Variants in RIMS2 observed in about 807,000 individuals in gnomAD.
RIMS2 encodes regulating synaptic membrane exocytosis protein 2.
In RIMS2, 59 loss-of-function variants were observed where a neutral mutation model predicts 174.4. The ratio of observed to expected loss-of-function variants is 0.34; its 90% CI spans 0.27 to 0.42. The LOEUF is 0.42. RIMS2 is among the 10% of genes least tolerant of loss of function. The pLI is 1.00. For synonymous variants in RIMS2, 606 were observed against 572.5 expected, an observed-to-expected ratio of 1.06 and a Z score of -0.84; for missense variants, 1,620 against 1,666.3, an observed-to-expected ratio of 0.97 and a Z score of 0.48.
intron 1 of RIMS2, among the ~76,000 whole-genome samples, chr8:103,557,321 C>G (rs989204569): frequency 5.3e-5 from 8 of 152,160 alleles, no homozygotes; most frequent in African/African-American, 1.9e-4. Flanking sequence ...AAAGCCCTTT[C>G]AAGGCTCTTC....
chr8:104,022,413 C>T (rs528039821), intron 19 of RIMS2, among the ~76,000 whole-genome samples: 52 of 152,070 alleles, frequency 3.4e-4, no homozygotes, highest in Non-Finnish European at 4.9e-4. Context: ...CAGGGTCTTG[C>T]TCTCTCGCCC....
At chr8:104,086,109 A>G (rs1232622336) in intron 19 of RIMS2, among the ~76,000 whole-genome samples, 4 of 152,072 alleles carry the variant, frequency 2.6e-5, no homozygotes, top group Non-Finnish European at 5.9e-5. Flanking sequence ...AAAGGAGATT[A>G]AAAAGTAACA....
rs144372692 is a variant in RIMS2, at chr8:103,672,372, C to T, written c.177-24714C>T. On this transcript the variant is annotated intron_variant, in intron 1 of 23. Transcript: ENST00000504942. ...ATTCTTGCATTGCTATAAATAAATG[C>T]CATTGATTAGGTAATTTATAAACAA... Among the ~76,000 whole-genome samples the T allele has an allele frequency of 2.0e-5, 3 of 151,924 alleles. No individual in the cohort carries two copies. The East Asian group carries it at 5.8e-4, about 29-fold the overall frequency.
intron 1 of RIMS2, among the ~76,000 whole-genome samples, chr8:103,670,232 G>T (rs2096728148): frequency 6.6e-6 from 1 of 152,214 alleles, no homozygotes; most frequent in South Asian, 2.1e-4. Flanking sequence ...GGGATGCAGG[G>T]CACGAAGACC....
chr8:103,728,748 C>CTTTTTTTTTTTTTTTTTTTTTTTTTTT (rs71575982), intron 2 of RIMS2, among the ~76,000 whole-genome samples: 3 of 92,680 alleles, frequency 3.2e-5, no homozygotes, highest in African/African-American at 9.5e-5. Context: ...TATGCTCCTT[C>CTTTTTTTTTTTTTTTTTTTTTTTTTTT]TTTTTTTTTT....
chr8:103,787,586 G>A (rs2098455784), intron 3 of RIMS2, among the ~76,000 whole-genome samples: 1 of 152,172 alleles, frequency 6.6e-6, no homozygotes, highest in Non-Finnish European at 1.5e-5. Context: ...CTTTAAGAAT[G>A]TTGAATATTG....
chr8:103,964,205 A>T (rs542050030), intron 15 of RIMS2, among the ~76,000 whole-genome samples: 1 of 152,328 alleles, frequency 6.6e-6, no homozygotes, highest in African/African-American at 2.4e-5. Flanking sequence ...CAATTGCTGG[A>T]TCGTATGCTA....
At chr8:103,927,545 A>G (rs2079009784) in intron 10 of RIMS2, among the ~76,000 whole-genome samples, 1 of 151,678 alleles carries the variant, frequency 6.6e-6, no homozygotes, top group East Asian at 1.9e-4. Flanking sequence ...CTTTCAAAGT[A>G]CATGAGCCCA....
chr8:103,834,213 C>T (rs2098843504), intron 3 of RIMS2, among the ~76,000 whole-genome samples: 1 of 151,544 alleles, frequency 6.6e-6, no homozygotes, highest in Non-Finnish European at 1.5e-5. Context: ...TTTATTTGAG[C>T]TTTAGCTATT....
chr8:103,871,962 C>T (rs1266689966), intron 3 of RIMS2, among the ~76,000 whole-genome samples: 6 of 152,152 alleles, frequency 3.9e-5, no homozygotes, highest in Non-Finnish European at 4.4e-5. Context: ...TCTGGATGAA[C>T]AGCATTAGCA....
intron 2 of RIMS2, among the ~76,000 whole-genome samples, chr8:103,754,726 GT>G: frequency 6.6e-6 from 1 of 152,172 alleles, no homozygotes; most frequent in Non-Finnish European, 1.5e-5. Flanking sequence ...TTTAAAGTCT[GT>G]TTTATCAGAG....
chr8:103,883,406 A>G (rs959783306), intron 3 of RIMS2, among the ~76,000 whole-genome samples: 1 of 151,792 alleles, frequency 6.6e-6, no homozygotes, highest in Non-Finnish European at 1.5e-5. Flanking sequence ...ACAAAAGTGA[A>G]ATGAATGATG....
At chr8:103,674,818 T>C (rs988580161) in intron 1 of RIMS2, among the ~76,000 whole-genome samples, 14 of 152,116 alleles carry the variant, frequency 9.2e-5, no homozygotes, top group African/African-American at 3.4e-4. Context: ...TTTCTCAAAT[T>C]TTTGTTTAAT....
At chr8:103,941,977 C>G (rs1353223489) in intron 13 of RIMS2, among the ~76,000 whole-genome samples, 1 of 152,096 alleles carries the variant, frequency 6.6e-6, no homozygotes, top group African/African-American at 2.4e-5. Flanking sequence ...ACAGTAGGCA[C>G]TTCAATTGTA....
intron 1 of RIMS2, among the ~76,000 whole-genome samples, chr8:103,639,254 T>C (rs890737597): frequency 2.6e-5 from 4 of 151,964 alleles, no homozygotes; most frequent in Non-Finnish European, 4.4e-5. Context: ...GGTTATATTG[T>C]ACCTTTTAAA....
intron 1 of RIMS2, among the ~76,000 whole-genome samples, chr8:103,639,567 A>G (rs1353965238): frequency 6.6e-6 from 1 of 151,888 alleles, no homozygotes; most frequent in East Asian, 1.9e-4. Flanking sequence ...TTAGTTCTCA[A>G]TTCTTCCTCT....
rs115156160 is a variant in RIMS2, at chr8:104,144,861, G to C, written c.3335-100055G>C. ...TATAAAACTATTTTTGGATTTCTGT[G>C]ACTGGAAAAACTCTGGGATTTGAAT... is the stretch of plus-strand genomic sequence containing the variant. On this transcript the variant is annotated intron_variant, in intron 19 of 23. Coordinates refer to ENST00000504942, the Ensembl canonical transcript of RIMS2. 9.4e-3 allele frequency among the ~76,000 whole-genome samples: 1,431 copies of C among 151,910 alleles called. 29 individuals are homozygous for C. Among genetic ancestry groups the C allele is most frequent in the African/African-American group, 0.032 (1,330 of 41,414 alleles).
chr8:103,910,472 T>A (rs776477893), intron 5 of RIMS2: 1 of 1,597,770 alleles, frequency 6.3e-7, no homozygotes, highest in Admixed American at 1.7e-5. Flanking sequence ...TTAAGGACTC[T>A]GGGGTAGATA....
chr8:103,679,772 A>G (rs1007804017), intron 1 of RIMS2, among the ~76,000 whole-genome samples: 1 of 151,962 alleles, frequency 6.6e-6, no homozygotes, highest in Non-Finnish European at 1.5e-5. Context: ...TTCTAAATTT[A>G]TATTTATTTA....
Sources: gnomAD v4.1 joint callset for allele counts (sites outside exome capture counted in the v4.1 genomes callset) on GRCh38, gnomAD v4.1.1 for gene constraint, MANE v1.5 for transcripts, NCBI Gene and HGNC (gene_info 2026-07-23, HGNC 2026-07-21) for gene names.